The following SAFB variants were observed in gnomAD, a reference collection of about 807,000 sequenced individuals.
SAFB encodes the protein scaffold attachment factor B, also known as scaffold attachment factor B1.
In SAFB, 15 loss-of-function variants were observed where a neutral mutation model predicts 101.6. The observed-to-expected ratio is 0.15, with a 90% CI of 0.10 to 0.23. The LOEUF (loss-of-function observed/expected upper bound fraction) is 0.23. SAFB is among the 10% of genes least tolerant of loss of function. The probability of loss-of-function intolerance (pLI) is 1.00; values close to 1 mark genes in which losing one functional copy is unlikely to be tolerated. For missense variants in SAFB, 930 were observed against 1,104.1 expected (o/e 0.84, Z 2.23); for synonymous variants, 449 against 407.5 (o/e 1.10, Z -1.23).
intron 2 of SAFB, among the ~76,000 whole-genome samples, chr19:5,634,943 G>T (rs1020647290): frequency 5.9e-5 from 9 of 152,104 alleles, no homozygotes; most frequent in African/African-American, 2.2e-4. Flanking sequence ...TTTGAGACCA[G>T]CCTGGCCAAC....
At chr19:5,659,890 T>G (rs1236182477) in intron 14 of SAFB, among the ~76,000 whole-genome samples, 2 of 152,116 alleles carry the variant, frequency 1.3e-5, no homozygotes, top group Admixed American at 6.6e-5. Context: ...CAAGGAAGTG[T>G]GGGCTTGGGT....
intron 2 of SAFB, among the ~76,000 whole-genome samples, chr19:5,631,453 C>T (rs575674535): frequency 5.3e-5 from 8 of 152,206 alleles, no homozygotes; most frequent in South Asian, 2.1e-4. Context: ...TAGGGCAGGT[C>T]GGTAAGTTTT....
intron 4 of SAFB, among the ~76,000 whole-genome samples, chr19:5,642,472 A>AC (rs35053548): frequency 0.15 from 23,259 of 151,766 alleles, 1,972 homozygotes; most frequent in Middle Eastern, 0.23. Flanking sequence ...AAACAAACAA[A>AC]AAAAAAAACA....
intron 11 of SAFB, 99 bp downstream of exon 11, chr19:5,653,519 T>G: frequency 9.9e-7 from 1 of 1,012,986 alleles, no homozygotes; most frequent in Non-Finnish European, 1.5e-6. Context: ...CAGACTGGAG[T>G]GCAGTGGTGT....
At chr19:5,644,870 A>G (rs1016892799) in intron 4 of SAFB, among the ~76,000 whole-genome samples, 3 of 152,146 alleles carry the variant, frequency 2.0e-5, no homozygotes, top group African/African-American at 4.8e-5. Context: ...ATGCTGGGAG[A>G]TGCTGTTCCA....
chr19:5,629,701 T>C (rs2053447494), intron 2 of SAFB, among the ~76,000 whole-genome samples: 1 of 152,228 alleles, frequency 6.6e-6, no homozygotes, highest in Non-Finnish European at 1.5e-5. Flanking sequence ...TTTGATAACT[T>C]AGTGAAAGGA....
chr19:5,638,939 C>T (rs550207718), intron 2 of SAFB, among the ~76,000 whole-genome samples: 1 of 151,808 alleles, frequency 6.6e-6, no homozygotes, highest in East Asian at 1.9e-4. Context: ...CCAGGCTGTT[C>T]TCAAACTCTT....
Position 5,645,879 on chromosome 19 carries a change from T to A in SAFB, c.609+480T>A, listed in dbSNP as rs543847565. 4.6e-5 allele frequency among the ~76,000 whole-genome samples: 7 copies of A among 152,290 alleles called. No homozygotes were observed. In the South Asian group the frequency reaches 1.5e-3, roughly 32 times the overall value. ...TGTCTTTGGGAAGTTTTTTTTGTTT[T>A]GTTTTGTTTTGTTTTTGTTTTGTTT... On this transcript the variant is annotated intron_variant, in intron 5 of 20. Transcript: ENST00000588852.
rs1028041166 is a variant in SAFB at position 5,631,936 on chromosome 19, A to G, written c.274+5447A>G. Among the ~76,000 whole-genome samples, 10 of 152,232 alleles carry G rather than the reference A, an allele frequency of 6.6e-5. No individual in the cohort carries two copies. The South Asian group carries it at 1.5e-3, about 22-fold the overall frequency. Reference sequence around the variant, plus strand: ...ATGGCGTGCATCTGTAGTCCCAGCTACTCAGGAGACTGAGGTGGGAGGATC... The same window carrying G: ...ATGGCGTGCATCTGTAGTCCCAGCTGCTCAGGAGACTGAGGTGGGAGGATC... On this transcript the variant is annotated intron_variant, in intron 2 of 20. Transcript: ENST00000588852.
intron 13 of SAFB, 38 bp from the exon 14 acceptor site, chr19:5,657,203 C>A: frequency 2.7e-6 from 4 of 1,504,906 alleles, no homozygotes; most frequent in Non-Finnish European, 3.7e-6. Flanking sequence ...CCGTGCCTGG[C>A]CTCTGCTTTA....
intron 14 of SAFB, among the ~76,000 whole-genome samples, chr19:5,658,896 C>G (rs1356735953): frequency 1.3e-5 from 2 of 151,142 alleles, no homozygotes; most frequent in Non-Finnish European, 2.9e-5. Flanking sequence ...CCTGTAATCC[C>G]AGCACTTTGG....
At chr19:5,656,047 T>C (rs1157879645) in intron 13 of SAFB, among the ~76,000 whole-genome samples, 1 of 152,182 alleles carries the variant, frequency 6.6e-6, no homozygotes, top group Non-Finnish European at 1.5e-5. Context: ...TTAGATCATA[T>C]TTTAGCATTA....
At chr19:5,661,434 G>T (rs1429610784) in intron 14 of SAFB, 84 bp from the exon 15 acceptor site, 2 of 1,567,740 alleles carry the variant, frequency 1.3e-6, no homozygotes, top group Non-Finnish European at 1.7e-6. Context: ...TGGAGTCTGT[G>T]CGACCCAGCG....
In SAFB at chr19:5,641,619, G is replaced by T; in HGVS notation, c.300G>T (p.Val100=). The T allele has an allele frequency of 6.2e-7, 1 of 1,614,040 alleles. No individual in the cohort carries two copies. Among genetic ancestry groups the T allele is most frequent in the Non-Finnish European group, 8.5e-7 (1 of 1,180,002 alleles). Residue 100 remains valine (V), a synonymous_variant, in exon 3 of 21, where the codon GTG becomes GTT. Transcript: ENST00000588852. ...SKGRKPEEEG[V]EDNGLEENSG... is the part of the protein sequence containing the mutation. ...GGCGCAAACCAGAAGAAGAGGGTGTGGAAGATAACGGGCTGGAGGAAAACT... is the reference window on the plus strand; with the variant it reads ...GGCGCAAACCAGAAGAAGAGGGTGTTGAAGATAACGGGCTGGAGGAAAACT...
chr19:5,667,934 G>A lies in SAFB; in HGVS notation c.2624+48G>A, dbSNP rs1293363324. The A allele has an allele frequency of 1.3e-6, 2 of 1,541,752 alleles. No individual in the cohort carries two copies. Among genetic ancestry groups the A allele is most frequent in the Non-Finnish European group, 1.8e-6 (2 of 1,138,902 alleles). On this transcript the variant is annotated intron_variant, in intron 20 of 20. Coordinates refer to ENST00000588852, the MANE Select transcript of SAFB (RefSeq NM_001201338.2). This position sits in a 1 kb window ranked among gnomAD's most constrained non-coding sequence, Gnocchi z 4.0. ...CCCCTTCCCCCTGCTTTGCATATTG[G>A]CCTACCTTGCTGGAGGCTTAACAAC...
In SAFB at chr19:5,632,461, G is replaced by A. The variant is rs138973193; in HGVS notation, c.274+5972G>A. On this transcript the variant is annotated intron_variant, in intron 2 of 20. Coordinates refer to ENST00000588852, the MANE Select transcript of SAFB (RefSeq NM_001201338.2). ...ACCTAACTGTAGATGTCCAGATCAG[G>A]AAATTAACATTGATACAATACTGCC... Among the ~76,000 whole-genome samples, 44 of 152,250 alleles carry A rather than the reference G, an allele frequency of 2.9e-4. 1 individual carries two copies. The highest frequency in any genetic ancestry group is 1.0e-3 in the African/African-American group (42 of 41,548).
intron 14 of SAFB, among the ~76,000 whole-genome samples, chr19:5,660,980 G>A (rs1327943689): frequency 7.9e-6 from 1 of 126,620 alleles, no homozygotes; most frequent in Admixed American, 9.3e-5. Flanking sequence ...CCGGGCTGGA[G>A]TGCAGTGGCT....
At position 5,653,364 on chromosome 19, in the gene SAFB, A is replaced by G. The variant is rs780011833; in HGVS notation, c.1470A>G (p.Lys490=). 8.1e-6 allele frequency: 13 copies of G among 1,614,190 alleles called. 1 individual carries two copies. In the South Asian group the frequency reaches 1.4e-4, roughly 18 times the overall value. ...CCAAAAATGAACCTGTGGGAAAGAA[A>G]ACCTCTGACAAAAGAGACAGTGACG... ...EKAKNEPVGK[K]TSDKRDSDGK... is the part of the protein sequence containing the mutation. Residue 490 remains lysine (K), a synonymous_variant, in exon 11 of 21, where the codon AAA becomes AAG. Coordinates refer to ENST00000588852, the MANE Select transcript of SAFB (RefSeq NM_001201338.2).
chr19:5,652,423 T>C (rs1239296151), intron 9 of SAFB, among the ~76,000 whole-genome samples: 2 of 151,980 alleles, frequency 1.3e-5, no homozygotes, highest in Non-Finnish European at 2.9e-5. Context: ...CTGATGTGGG[T>C]TAATTAGAGG....
Sources: gnomAD v4.1 joint callset for allele counts (sites outside exome capture counted in the v4.1 genomes callset) on GRCh38, gnomAD v4.1.1 for gene constraint, Gnocchi (gnomAD v3.1) non-coding constraint, MANE v1.5 for transcripts, NCBI Gene and HGNC (gene_info 2026-07-23, HGNC 2026-07-21) for gene names.